TSPAN11: variants seen among roughly 807,000 people sequenced by gnomAD.
The protein encoded by TSPAN11 is tetraspanin-11.
A neutral mutation model predicts 32.9 loss-of-function variants in TSPAN11; 29 were observed. That is an observed-to-expected ratio of 0.88 (90% CI 0.66 to 1.20). The LOEUF (loss-of-function observed/expected upper bound fraction) is 1.20, where lower values mean the gene tolerates loss of function less well. Among genes scored for constraint, TSPAN11 ranks in the 50% most tolerant of loss-of-function variants. The pLI is 0.00. For missense variants in TSPAN11, 283 were observed against 329.1 expected, an observed-to-expected ratio of 0.86 and a Z score of 1.08; for synonymous variants, 140 against 141.3, an observed-to-expected ratio of 0.99 and a Z score of 0.07.
At chr12:30,997,883 AG>A, downstream of TSPAN11, among the ~76,000 whole-genome samples, 1 of 152,292 alleles carries the variant, frequency 6.6e-6, no homozygotes, top group East Asian at 1.9e-4. Context: ...GGAGGTCCCC[AG>A]GCAGGGACCC....
At chr12:30,964,457 T>C (rs1024332571) in intron 3 of TSPAN11, among the ~76,000 whole-genome samples, 3 of 130,564 alleles carry the variant, frequency 2.3e-5, no homozygotes, top group Non-Finnish European at 5.1e-5. Flanking sequence ...TCTTCCTCTT[T>C]CTAGGTTTTT....
At chr12:30,958,123 A>AT (rs1390284040) in intron 2 of TSPAN11, among the ~76,000 whole-genome samples, 2 of 152,032 alleles carry the variant, frequency 1.3e-5, no homozygotes, top group Admixed American at 6.5e-5. Context: ...GGTTTGGAAG[A>AT]TGAACAGGTG....
At chr12:30,956,602 A>G (rs1318109494) in intron 2 of TSPAN11, among the ~76,000 whole-genome samples, 3 of 152,072 alleles carry the variant, frequency 2.0e-5, no homozygotes, top group Non-Finnish European at 4.4e-5. Flanking sequence ...GGATGATCCT[A>G]CAAAGCAGGG....
the TSPAN11 span, among the ~76,000 whole-genome samples, chr12:31,008,618 C>G: frequency 6.6e-6 from 1 of 152,242 alleles, no homozygotes; most frequent in Non-Finnish European, 1.5e-5. Context: ...GGACCAGCAG[C>G]AGCATCTGGC....
chr12:30,926,813 G>C lies in TSPAN11; in HGVS notation c.-12+17G>C, dbSNP rs1937803017. 4.2e-5 allele frequency: 24 copies of C among 566,480 alleles called. No individual in the cohort carries two copies. Among genetic ancestry groups the C allele is most frequent in the Non-Finnish European group, 6.2e-5 (24 of 385,928 alleles). The allele number at this position is 566,480 out of a possible 1,614,324, so 35.1% of individuals were successfully genotyped here. A position where few individuals can be genotyped will look rare whatever the true frequency, so the allele number is the denominator to read the frequency against. ...CCTGGCAGGGTAAGTGCAGAAGCGCGCCCGAGGAGTGGGGGCGCCGCGGGA... is the reference window on the plus strand; with the variant it reads ...CCTGGCAGGGTAAGTGCAGAAGCGCCCCCGAGGAGTGGGGGCGCCGCGGGA... On this transcript the variant is annotated intron_variant, in intron 1 of 7. Coordinates refer to ENST00000546076, the MANE Select transcript of TSPAN11 (RefSeq NM_001370302.1).
At chr12:30,990,281 G>A (rs1452316730) in intron 7 of TSPAN11, among the ~76,000 whole-genome samples, 1 of 152,174 alleles carries the variant, frequency 6.6e-6, no homozygotes, top group Admixed American at 6.5e-5. Context: ...CTGCTGGGGA[G>A]TGTGGCCCCT....
the TSPAN11 span, among the ~76,000 whole-genome samples, chr12:31,013,590 A>AAAAACAAAACAAAACAAAACAAAAC: frequency 1.5e-3 from 219 of 147,338 alleles, 1 homozygote; most frequent in Middle Eastern, 3.4e-3. Flanking sequence ...TCCTGTCTCA[A>AAAAACAAAACAAAACAAAACAAAAC]AAAACAAAAC....
At chr12:30,945,762 G>A (rs747172560) in intron 1 of TSPAN11, among the ~76,000 whole-genome samples, 7 of 152,068 alleles carry the variant, frequency 4.6e-5, no homozygotes, top group South Asian at 2.1e-4. Flanking sequence ...GAAGAAAGTC[G>A]CCAAAATCCA....
At chr12:30,942,317 C>A (rs1938182916) in intron 1 of TSPAN11, among the ~76,000 whole-genome samples, 1 of 152,196 alleles carries the variant, frequency 6.6e-6, no homozygotes, top group Non-Finnish European at 1.5e-5. Flanking sequence ...AGCCCAGCAT[C>A]ATCTCCATCT....
At chr12:31,005,925 T>C in the TSPAN11 span, 1 of 154,596 alleles carries the variant, frequency 6.5e-6, no homozygotes, top group African/African-American at 2.4e-5. Flanking sequence ...GCCCCACAAG[T>C]TGGGGTGTCA....
the TSPAN11 span, among the ~76,000 whole-genome samples, chr12:31,009,540 A>C: frequency 6.6e-6 from 1 of 152,154 alleles, no homozygotes; most frequent in African/African-American, 2.4e-5. Flanking sequence ...GCCATGAAGG[A>C]GGGAAGCAGC....
At chr12:30,976,961 T>C (rs11051194) in intron 3 of TSPAN11, among the ~76,000 whole-genome samples, 11,540 of 152,214 alleles carry the variant, frequency 0.076, 965 homozygotes, top group East Asian at 0.25. Flanking sequence ...CTTGCATTTG[T>C]GCTCTTGGCC....
intron 7 of TSPAN11, among the ~76,000 whole-genome samples, chr12:30,983,572 C>T (rs978176215): frequency 6.6e-6 from 1 of 152,018 alleles, no homozygotes; most frequent in African/African-American, 2.4e-5. Flanking sequence ...TGAGTGTGCA[C>T]GTATCTGCAT....
intron 4 of TSPAN11, chr12:30,978,995 T>G: frequency 3.4e-6 from 1 of 297,050 alleles, no homozygotes; most frequent in East Asian, 6.6e-5. Flanking sequence ...CGAAACAGGA[T>G]CGGGCCTTGC....
chr12:30,949,316 A>G (rs1037371611), intron 1 of TSPAN11, among the ~76,000 whole-genome samples: 2 of 151,958 alleles, frequency 1.3e-5, no homozygotes, highest in African/African-American at 4.8e-5. Flanking sequence ...CTAATTTACT[A>G]TATTAGTCCA....
At chr12:30,936,654 A>C (rs1389260828) in intron 1 of TSPAN11, among the ~76,000 whole-genome samples, 1 of 152,198 alleles carries the variant, frequency 6.6e-6, no homozygotes, top group Non-Finnish European at 1.5e-5. Context: ...TGAGCACTGC[A>C]TAGGTGGATG....
chr12:30,979,502 C>A lies in TSPAN11; in HGVS notation c.352-64C>A, dbSNP rs538886932. The A allele has an allele frequency of 8.7e-6, 13 of 1,488,730 alleles. No homozygotes were observed. The East Asian group carries it at 1.8e-4, about 21-fold the overall frequency. 92.2% of individuals were successfully genotyped at this position (1,488,730 alleles called of 1,614,324 possible). Reference sequence around the variant, plus strand: ...TTAGCTGGGGGGAGTTGGAAGTGGGCCCGGTGCCAGGGCAGGGGTGGGGCT... The same window carrying A: ...TTAGCTGGGGGGAGTTGGAAGTGGGACCGGTGCCAGGGCAGGGGTGGGGCT... On this transcript the variant is annotated intron_variant, in intron 4 of 7. Coordinates refer to ENST00000546076, the MANE Select transcript of TSPAN11 (RefSeq NM_001370302.1).
downstream of TSPAN11, among the ~76,000 whole-genome samples, chr12:31,000,726 G>A (rs187318427): frequency 4.6e-5 from 7 of 152,284 alleles, no homozygotes; most frequent in African/African-American, 1.4e-4. Flanking sequence ...GAGGAACCTC[G>A]ATAATGTTTT....
intron 2 of TSPAN11, among the ~76,000 whole-genome samples, chr12:30,958,103 C>T (rs1938536660): frequency 6.6e-6 from 1 of 152,002 alleles, no homozygotes; most frequent in African/African-American, 2.4e-5. Flanking sequence ...TTCCTCTGGG[C>T]TCTGAGCTGG....
Sources: gnomAD v4.1 joint callset for allele counts (sites outside exome capture counted in the v4.1 genomes callset) on GRCh38, gnomAD v4.1.1 for gene constraint, MANE v1.5 for transcripts, NCBI Gene and HGNC (gene_info 2026-07-23, HGNC 2026-07-21) for gene names.